NCBP3: variants seen among roughly 807,000 people sequenced by gnomAD.
The protein encoded by NCBP3 is nuclear cap-binding protein subunit 3.
A neutral mutation model predicts 75.7 loss-of-function variants in NCBP3; 20 were observed. That is an observed-to-expected ratio of 0.26 (90% CI 0.19 to 0.38). NCBP3 has a LOEUF of 0.38. NCBP3 is among the 10% of genes least tolerant of loss of function. The pLI is 1.00. For synonymous variants in NCBP3, 293 were observed against 290.5 expected (o/e 1.01, Z -0.09); for missense variants, 678 against 796.9 (o/e 0.85, Z 1.80).
chr17:3,814,619 T>G, intron 11 of NCBP3, 136 bp from the exon 12 acceptor site: 2 of 869,310 alleles, frequency 2.3e-6, no homozygotes, highest in Non-Finnish European at 3.5e-6. Flanking sequence ...CTGCTAAGTA[T>G]TCTTCCTTTG....
At chr17:3,830,421 C>G (rs1300364790) in intron 3 of NCBP3, among the ~76,000 whole-genome samples, 1 of 152,080 alleles carries the variant, frequency 6.6e-6, no homozygotes, top group African/African-American at 2.4e-5. Flanking sequence ...AAATTACATG[C>G]AAGGTGATGA....
Position 3,811,659 on chromosome 17 carries a change from C to T in NCBP3, c.*1385G>A, listed in dbSNP as rs2143627426. On this transcript the variant is annotated 3_prime_UTR_variant, in exon 13 of 13. Transcript: ENST00000389005. ...GCCACAAGTAAAGATCGACAGGATC[C>T]AGGCTGCACTGTGTGCACAACAGCC... 1 of 152,332 alleles carries T rather than the reference C, an allele frequency of 6.6e-6. No homozygotes were observed. Among genetic ancestry groups the T allele is most frequent in the East Asian group, 1.9e-4 (1 of 5,186 alleles). 9.4% of individuals were successfully genotyped at this position (152,332 alleles called of 1,614,324 possible).
In NCBP3 at chr17:3,816,202, G is replaced by A; in HGVS notation, c.1379C>T (p.Pro460Leu). The change falls in exon 11 of 13, where the codon CCT becomes CTT. Residue 460 changes from proline to leucine, a missense_variant. Pro to Leu is a moderately conservative substitution (Grantham distance 98). Coordinates refer to ENST00000389005, the MANE Select transcript of NCBP3 (RefSeq NM_001114118.3). ...IKNRIGNKLPPEKFADVRHLL... is the reference protein window; with the variant it reads ...IKNRIGNKLPLEKFADVRHLL... ...ATGTCGGACATCTGCAAATTTCTCA[G>A]GTGGTAATTTGTTACCAATTCGGTT... 1 of 1,614,036 alleles carries A rather than the reference G, an allele frequency of 6.2e-7. No homozygotes were observed. Among genetic ancestry groups the A allele is most frequent in the Non-Finnish European group, 8.5e-7 (1 of 1,179,932 alleles).
At chr17:3,817,521 C>T (rs562425625) in intron 10 of NCBP3, among the ~76,000 whole-genome samples, 37 of 151,906 alleles carry the variant, frequency 2.4e-4, no homozygotes, top group Non-Finnish European at 5.0e-4. Context: ...CCCAGCTACT[C>T]GGGAGGCTGA....
chr17:3,813,516 GTCCC>G (rs1399227672), intron 12 of NCBP3, among the ~76,000 whole-genome samples: 1 of 152,126 alleles, frequency 6.6e-6, no homozygotes, highest in Non-Finnish European at 1.5e-5. Flanking sequence ...GACAGGTCAG[GTCCC>G]TCCCTGTCAC....
chr17:3,841,070 G>A (rs987655744), intron 2 of NCBP3, among the ~76,000 whole-genome samples: 1 of 152,024 alleles, frequency 6.6e-6, no homozygotes, highest in Non-Finnish European at 1.5e-5. Flanking sequence ...TCCGCCTCCC[G>A]GGTTCAAGAG....
Position 3,825,836 on chromosome 17 carries a change from C to A in NCBP3, c.618G>T (p.Gln206His). 1 of 1,551,038 alleles carries A rather than the reference C, an allele frequency of 6.4e-7. No homozygotes were observed. The highest frequency in any genetic ancestry group is 8.7e-7 in the Non-Finnish European group (1 of 1,146,720). The change falls in exon 6 of 13, where the codon CAG becomes CAT. Residue 206 changes from glutamine (Q) to histidine (H), a missense_variant. Gln to His is a conservative substitution (Grantham distance 24). Coordinates refer to ENST00000389005, the MANE Select transcript of NCBP3 (RefSeq NM_001114118.3). ...KSAEKRKKDK[Q>H]EDSSDDDEAE... is the part of the protein sequence containing the mutation. ...CTTCATCATCATCTGAACTGTCTTC[C>A]TGCTTGTCTAAAATGGAATGTGAAG...
At position 3,824,969 on chromosome 17, in the gene NCBP3, T is replaced by G; in HGVS notation, c.769A>C (p.Arg257=). The change falls in exon 7 of 13, where the codon AGG becomes CGG. Residue 257 remains arginine, a synonymous_variant. Transcript: ENST00000389005. Reference sequence around the variant, plus strand: ...TTTGTAGCAAATCTCATGAATAACCTATTTCCTTTAGCAAGTTTGTTAGCT... The same window carrying G: ...TTTGTAGCAAATCTCATGAATAACCGATTTCCTTTAGCAAGTTTGTTAGCT... ...RPANKLAKGN[R]LFMRFATKDD... The G allele has an allele frequency of 6.5e-7, 1 of 1,541,928 alleles. No individual in the cohort carries two copies. Among genetic ancestry groups the G allele is most frequent in the Non-Finnish European group, 8.8e-7 (1 of 1,141,364 alleles).
chr17:3,819,674 C>G (rs2053625557), intron 9 of NCBP3, among the ~76,000 whole-genome samples: 1 of 152,004 alleles, frequency 6.6e-6, no homozygotes. Flanking sequence ...TCAGTGTTCA[C>G]AGTGACTTTA....
chr17:3,841,111 G>C (rs1415391448), intron 2 of NCBP3, among the ~76,000 whole-genome samples: 1 of 152,062 alleles, frequency 6.6e-6, no homozygotes, highest in African/African-American at 2.4e-5. Context: ...TGAGTAGCTG[G>C]GACTGCAGGT....
chr17:3,838,491 G>C (rs1280970965), intron 3 of NCBP3, among the ~76,000 whole-genome samples: 1 of 152,248 alleles, frequency 6.6e-6, no homozygotes, highest in African/African-American at 2.4e-5. Flanking sequence ...GCAAGGGCGT[G>C]TTTCTGACTT....
intron 11 of NCBP3, 130 bp from the exon 12 acceptor site, chr17:3,814,613 T>C (rs2053494610): frequency 1.1e-6 from 1 of 874,808 alleles, no homozygotes; most frequent in African/African-American, 1.7e-5. Context: ...ATCAGGCTGC[T>C]AAGTATTCTT....
At position 3,809,322 on chromosome 17, in the gene NCBP3, C is replaced by T. The variant is rs74670564; in HGVS notation, c.*3722G>A. ...TAAAGATAATTATGACTCAGCAATTCCACTCCTAGGTATATACCCAAGAGT... is the reference window on the plus strand; with the variant it reads ...TAAAGATAATTATGACTCAGCAATTTCACTCCTAGGTATATACCCAAGAGT... On this transcript the variant is annotated 3_prime_UTR_variant, in exon 13 of 13. Coordinates refer to ENST00000389005, the MANE Select transcript of NCBP3 (RefSeq NM_001114118.3). 6,450 of 152,162 alleles carry T rather than the reference C, an allele frequency of 0.042. 194 individuals carry two copies. The highest frequency in any genetic ancestry group is 0.091 in the Admixed American group (1,386 of 15,270). 9.4% of individuals were successfully genotyped at this position (152,162 alleles called of 1,614,324 possible).
rs574315862 is a variant in NCBP3 at position 3,804,607 on chromosome 17, G to C, written c.*8437C>G. The C allele has an allele frequency of 6.6e-6, 1 of 152,364 alleles. No homozygotes were observed. Among genetic ancestry groups the C allele is most frequent in the South Asian group, 2.1e-4 (1 of 4,832 alleles). 9.4% of individuals were successfully genotyped at this position (152,364 alleles called of 1,614,324 possible). A position where few individuals can be genotyped will look rare whatever the true frequency, so the allele number is the denominator to read the frequency against. On this transcript the variant is annotated 3_prime_UTR_variant, in exon 13 of 13. Coordinates refer to ENST00000389005, the MANE Select transcript of NCBP3 (RefSeq NM_001114118.3). The stretch of plus-strand genomic sequence containing the variant: ...AGTGAGTCAAAAGCACTGAGGCACA[G>C]CCTTCAGACACAGGAAATGGTTCTA...
intron 1 of NCBP3, among the ~76,000 whole-genome samples, chr17:3,845,699 C>T (rs2054150666): frequency 6.6e-6 from 1 of 152,164 alleles, no homozygotes; most frequent in Admixed American, 6.5e-5. Context: ...TCTGTTCCCG[C>T]CCAGGGCTCC....
At chr17:3,836,526 G>A (rs113886284) in intron 3 of NCBP3, among the ~76,000 whole-genome samples, 1,981 of 151,664 alleles carry the variant, frequency 0.013, 37 homozygotes, top group African/African-American at 0.043. Flanking sequence ...GGTGGCAGGT[G>A]CCTGTAATCC....
chr17:3,825,657 A>C (rs1442135439), intron 6 of NCBP3, 110 bp downstream of exon 6: 1 of 732,652 alleles, frequency 1.4e-6, no homozygotes, highest in Non-Finnish European at 2.3e-6. Context: ...CAGAAGGTCT[A>C]ATGGTGAAAG....
chr17:3,816,345 A>G, intron 10 of NCBP3, 75 bp from the exon 11 acceptor site: 1 of 1,304,934 alleles, frequency 7.7e-7, no homozygotes. Flanking sequence ...ACAATCTCAT[A>G]CTTTGGAGGA....
intron 7 of NCBP3, chr17:3,824,716 T>C: frequency 3.5e-6 from 1 of 283,194 alleles, no homozygotes; most frequent in Non-Finnish European, 6.6e-6. Flanking sequence ...CAACAGAAAA[T>C]AACTTTAGCC....
Sources: allele counts gnomAD v4.1 joint callset (sites outside exome capture counted in the v4.1 genomes callset), GRCh38; gene constraint gnomAD v4.1.1; transcripts MANE v1.5; gene names NCBI Gene and HGNC (gene_info 2026-07-23, HGNC 2026-07-21).